The following PLXNB1 variants were observed in gnomAD, a reference collection of about 807,000 sequenced individuals.
The protein encoded by PLXNB1 is plexin-B1.
A neutral mutation model predicts 209.4 loss-of-function variants in PLXNB1; 106 were observed. The observed-to-expected ratio is 0.51, with a 90% CI of 0.43 to 0.59. PLXNB1 has a LOEUF of 0.59. Among genes scored for constraint, PLXNB1 ranks in the 20% least tolerant of loss-of-function variants. The pLI is 0.00. For missense variants in PLXNB1, 2,357 were observed against 2,853.2 expected (o/e 0.83, Z 3.96); for synonymous variants, 1,167 against 1,183.2 (o/e 0.99, Z 0.28).
At position 48,418,757 on chromosome 3, in the gene PLXNB1, G is replaced by C. The variant is rs939849187; in HGVS notation, c.2955+160C>G. The stretch of plus-strand genomic sequence containing the variant: ...CAGAGCTGGGATGCAAGGACTCCAC[G>C]GGGCACATGGTCAGAGGTCAGAAAT... On this transcript the variant is annotated intron_variant, in intron 13 of 37. Transcript: ENST00000296440. The surrounding 1 kb of genome is among the most constrained non-coding windows in gnomAD (Gnocchi z 6.6). 6.6e-6 allele frequency among the ~76,000 whole-genome samples: 1 copy of C among 152,122 alleles called. No individual in the cohort carries two copies. Among genetic ancestry groups the C allele is most frequent in the East Asian group, 1.9e-4 (1 of 5,168 alleles).
In PLXNB1 at chr3:48,409,902, C is replaced by T; in HGVS notation, c.5778+3G>A. ...CCCCACTACCTTGGCAGCCCCACCC[C>T]ACCTTCATGGACAGCAGGCGGGTCA... is the stretch of plus-strand genomic sequence containing the variant. On this transcript the variant is annotated splice_donor_region_variant and intron_variant, in intron 32 of 37. Coordinates refer to ENST00000296440, the MANE Select transcript of PLXNB1 (RefSeq NM_001130082.3). The surrounding 1 kb of genome is among the most constrained non-coding windows in gnomAD (Gnocchi z 5.8). The T allele has an allele frequency of 6.2e-7, 1 of 1,609,318 alleles. No individual in the cohort carries two copies. The highest frequency in any genetic ancestry group is 8.5e-7 in the Non-Finnish European group (1 of 1,178,000).
In PLXNB1 at chr3:48,424,182, C is replaced by A; in HGVS notation, c.430G>T (p.Ala144Ser). 1 of 1,585,884 alleles carries A rather than the reference C, an allele frequency of 6.3e-7. No homozygotes were observed. Among genetic ancestry groups the A allele is most frequent in the Non-Finnish European group, 8.6e-7 (1 of 1,165,124 alleles). The change falls in exon 3 of 38, where the codon GCT (alanine) becomes TCT (serine). Residue 144 changes from alanine (A) to serine (S), a missense_variant. Around this residue, in one of 7 missense-constraint regions of PLXNB1, gnomAD observed 404 missense variants for 443.6 expected, o/e 0.91. Transcript: ENST00000296440. ...PERPGDTQYVAANDPAVSTVG... is the reference protein window; with the variant it reads ...PERPGDTQYVSANDPAVSTVG... The stretch of plus-strand genomic sequence containing the variant: ...GTGCTGACCGCAGGATCATTGGCAG[C>A]CACATATTGTGTGTCCCCAGGCCGC...
In PLXNB1 at chr3:48,409,401, CATGTTATCAG is replaced by C; in HGVS notation, c.6005_6014del (p.Ser2002TrpfsTer63). The C allele has an allele frequency of 6.2e-7, 1 of 1,614,214 alleles. No individual in the cohort carries two copies. The highest frequency in any genetic ancestry group is 1.1e-5 in the South Asian group (1 of 91,090). On this transcript the variant is annotated frameshift_variant, in exon 34 of 38. Transcript: ENST00000296440. LOFTEE classifies it high-confidence loss of function. This position sits in a 1 kb window ranked among gnomAD's most constrained non-coding sequence, Gnocchi z 5.8. ...GTGCAATGACAAGGAGCACCGCATC[CATGTTATCAG>C]ATGTTTGCACGTCGAACACAAACTG...
chr3:48,418,972 A>C lies in PLXNB1; in HGVS notation c.2900T>G (p.Val967Gly). 6.2e-7 allele frequency: 1 copy of C among 1,613,876 alleles called. No individual in the cohort carries two copies. ...GGTATCTGGAGGTGGCTCACACTCGACCCGGGCCTCAACCACCACCTCGAG... is the reference window on the plus strand; with the variant it reads ...GGTATCTGGAGGTGGCTCACACTCGCCCCGGGCCTCAACCACCACCTCGAG... ...EGLEVVVEAR[V>G]ECEPPPDTQC... The change falls in exon 13 of 38, where the codon GTC becomes GGC. Residue 967 changes from valine to glycine, a missense_variant. Physicochemically the swap from Val to Gly is moderately radical, Grantham distance 109. This residue lies in a region of PLXNB1 where 410 missense variants were observed against 401.0 expected (regional missense o/e 1.02). Coordinates refer to ENST00000296440, the MANE Select transcript of PLXNB1 (RefSeq NM_001130082.3). The surrounding 1 kb of genome is among the most constrained non-coding windows in gnomAD (Gnocchi z 6.6).
rs112055425 is a variant in PLXNB1, at chr3:48,422,482, C to A, written c.1291-23G>T. ...GACCTGGGATCAGAGACCACAGGGTCTGGGACCCAAGTCCATGGCCAGAGG... is the reference window on the plus strand; with the variant it reads ...GACCTGGGATCAGAGACCACAGGGTATGGGACCCAAGTCCATGGCCAGAGG... On this transcript the variant is annotated intron_variant, in intron 4 of 37. Coordinates refer to ENST00000296440, the MANE Select transcript of PLXNB1 (RefSeq NM_001130082.3). The A allele has an allele frequency of 1.3e-4, 204 of 1,558,500 alleles. No individual in the cohort carries two copies. The African/African-American group carries it at 2.1e-3, about 16-fold the overall frequency.
At position 48,420,946 on chromosome 3, in the gene PLXNB1, G is replaced by T. The variant is rs773945966; in HGVS notation, c.1821C>A (p.Ser607=). The change falls in exon 9 of 38, where the codon TCC becomes TCA. Residue 607 remains serine (S), a synonymous_variant. Coordinates refer to ENST00000296440, the MANE Select transcript of PLXNB1 (RefSeq NM_001130082.3). ...CGCCAAATCTGAGCTCCACGCTCAC[G>T]GATACGTAGTCTGCAGAGGGGGAGA... The part of the protein sequence containing the change: ...PVLPRGADYV[S]VSVELRFGAV... The T allele has an allele frequency of 4.3e-6, 7 of 1,612,736 alleles. No individual in the cohort carries two copies. The South Asian group carries it at 6.6e-5, about 15-fold the overall frequency.
At position 48,405,535 on chromosome 3, in the gene PLXNB1, G is replaced by A. The variant is rs1490631533; in HGVS notation, c.6303+189C>T. Reference sequence around the variant, plus strand: ...GCTGGAATGGGGAGCAGTGGGACAGGTGAGAGCACAGCCAATGCCAGGAAG... The same window carrying A: ...GCTGGAATGGGGAGCAGTGGGACAGATGAGAGCACAGCCAATGCCAGGAAG... On this transcript the variant is annotated intron_variant, in intron 37 of 37. Transcript: ENST00000296440. The surrounding 1 kb of genome is among the most constrained non-coding windows in gnomAD (Gnocchi z 5.0). 6.6e-6 allele frequency among the ~76,000 whole-genome samples: 1 copy of A among 152,180 alleles called. No homozygotes were observed. The highest frequency in any genetic ancestry group is 2.4e-5 in the African/African-American group (1 of 41,426).
At position 48,429,553 on chromosome 3, in the gene PLXNB1, G is replaced by C. The variant is rs2039081731; in HGVS notation, c.-60+455C>G. 6.6e-6 allele frequency: 1 copy of C among 151,150 alleles called. No individual in the cohort carries two copies. 9.4% of individuals were successfully genotyped at this position (151,150 alleles called of 1,614,324 possible). A position where few individuals can be genotyped will look rare whatever the true frequency, so the allele number is the denominator to read the frequency against. ...CCGGAAGCAGCCCGGAGAGCCGGGC[G>C]CGCGGCCCCGAACCGCCCGGGACCC... On this transcript the variant is annotated intron_variant, in intron 1 of 37. Transcript: ENST00000296440. The surrounding 1 kb of genome is among the most constrained non-coding windows in gnomAD (Gnocchi z 6.4).
rs1461030446 is a variant in PLXNB1 at position 48,417,689 on chromosome 3, C to T, written c.3374+222G>A. 6.6e-6 allele frequency among the ~76,000 whole-genome samples: 1 copy of T among 152,196 alleles called. No individual in the cohort carries two copies. Among genetic ancestry groups the T allele is most frequent in the African/African-American group, 2.4e-5 (1 of 41,448 alleles). On this transcript the variant is annotated intron_variant, in intron 16 of 37. Coordinates refer to ENST00000296440, the MANE Select transcript of PLXNB1 (RefSeq NM_001130082.3). This position sits in a 1 kb window ranked among gnomAD's most constrained non-coding sequence, Gnocchi z 4.4. ...GCCACGAGTCAGTTCTGGGCAGTGA[C>T]GGGCCCAGGAAGGATTCCCCAGCAG...
Position 48,411,866 on chromosome 3 carries a change from G to C in PLXNB1, c.5244C>G (p.Pro1748=). The C allele has an allele frequency of 6.2e-7, 1 of 1,613,850 alleles. No homozygotes were observed. The highest frequency in any genetic ancestry group is 8.5e-7 in the Non-Finnish European group (1 of 1,179,946). The stretch of plus-strand genomic sequence containing the variant: ...CCACACACTTGCACACCCTCACCAG[G>C]GGACGGTACTCCACATCCTCTCTGA... ...RLLREDVEYR[P]LTLNALLAVG... Residue 1748 remains proline (P), a synonymous_variant, in exon 28 of 38, where the codon CCC becomes CCG. Transcript: ENST00000296440. This position sits in a 1 kb window ranked among gnomAD's most constrained non-coding sequence, Gnocchi z 4.0.
Position 48,409,832 on chromosome 3 carries a change from C to A in PLXNB1, c.5778+73G>T. 1 of 1,578,334 alleles carries A rather than the reference C, an allele frequency of 6.3e-7. No individual in the cohort carries two copies. The highest frequency in any genetic ancestry group is 1.1e-5 in the South Asian group (1 of 87,006). On this transcript the variant is annotated intron_variant, in intron 32 of 37. Coordinates refer to ENST00000296440, the MANE Select transcript of PLXNB1 (RefSeq NM_001130082.3). This position sits in a 1 kb window ranked among gnomAD's most constrained non-coding sequence, Gnocchi z 5.8. ...GCACTGTGCCTGCACGAGCCCCACA[C>A]CACCCCCAAATCCCACGAGTGGCCA...
At chr3:48,428,803 G>C (rs1207857528) in intron 1 of PLXNB1, among the ~76,000 whole-genome samples, 22 of 152,174 alleles carry the variant, frequency 1.4e-4, no homozygotes, top group Non-Finnish European at 8.8e-5. Context: ...TGTGTGTGGA[G>C]AGGAGGGTCC....
Position 48,413,407 on chromosome 3 carries a change from C to T in PLXNB1, c.4536-238G>A, listed in dbSNP as rs150134603. The T allele has an allele frequency of 5.0e-6, 3 of 602,750 alleles. No individual in the cohort carries two copies. The highest frequency in any genetic ancestry group is 6.0e-5 in the Admixed American group (2 of 33,340). 37.3% of individuals were successfully genotyped at this position (602,750 alleles called of 1,614,324 possible). On this transcript the variant is annotated intron_variant, in intron 23 of 37. Transcript: ENST00000296440. The surrounding 1 kb of genome is among the most constrained non-coding windows in gnomAD (Gnocchi z 5.4). The stretch of plus-strand genomic sequence containing the variant: ...AGAGATCAGCCAACCACAACCAGGC[C>T]AAATCCATCCCACAACCTATTTTTA...
chr3:48,415,675 A>G lies in PLXNB1; in HGVS notation c.3702T>C (p.Phe1234=). 6.4e-7 allele frequency: 1 copy of G among 1,562,194 alleles called. No individual in the cohort carries two copies. The highest frequency in any genetic ancestry group is 1.2e-5 in the South Asian group (1 of 84,852). The change falls in exon 19 of 38, where the codon TTT becomes TTC. Residue 1234 remains phenylalanine, a synonymous_variant. Coordinates refer to ENST00000296440, the MANE Select transcript of PLXNB1 (RefSeq NM_001130082.3). The surrounding 1 kb of genome is among the most constrained non-coding windows in gnomAD (Gnocchi z 5.0). ...TPATLPVAVW[F]GATERRLQRG... ...GTTGAAGCCTCCGCTCCGTGGCCCC[A>G]AACCACACAGCCACAGGGAGCGTGG...
Position 48,424,578 on chromosome 3 carries a change from G to A in PLXNB1, c.34C>T (p.Leu12Phe), listed in dbSNP as rs1039645154. 3.2e-6 allele frequency: 5 copies of A among 1,545,484 alleles called. No individual in the cohort carries two copies. The highest frequency in any genetic ancestry group is 1.2e-5 in the South Asian group (1 of 84,364). ...PALGPALLQA[L>F]WAGWVLTLQP... Reference sequence around the variant, plus strand: ...AGGGTGAGGACCCACCCGGCCCAGAGAGCCTGGAGAAGAGCTGGGCCCAGA... The same window carrying A: ...AGGGTGAGGACCCACCCGGCCCAGAAAGCCTGGAGAAGAGCTGGGCCCAGA... Residue 12 changes from leucine (L) to phenylalanine (F), a missense_variant, in exon 3 of 38, where the codon CTC becomes TTC. Physicochemically the swap from Leu to Phe is conservative, Grantham distance 22. Coordinates refer to ENST00000296440, the MANE Select transcript of PLXNB1 (RefSeq NM_001130082.3).
At chr3:48,414,518 A>G (rs116177602) in intron 21 of PLXNB1, among the ~76,000 whole-genome samples, 4,079 of 152,208 alleles carry the variant, frequency 0.027, 158 homozygotes, top group African/African-American at 0.089. Flanking sequence ...GGACCACACC[A>G]CCCAGCTACT....
intron 8 of PLXNB1, 111 bp downstream of exon 8, chr3:48,421,117 C>T: frequency 7.2e-7 from 1 of 1,390,748 alleles, no homozygotes; most frequent in African/African-American, 1.4e-5. Context: ...GTGGGAGGAC[C>T]CAGAGAAAGG....
chr3:48,410,423 C>A lies in PLXNB1; in HGVS notation c.5520+32G>T. ...TGATCCCTCCACCAGTCCCACCCCA[C>A]CATGCCCTCCTCCAGCTCCCACTCC... On this transcript the variant is annotated intron_variant, in intron 30 of 37. Transcript: ENST00000296440. This position sits in a 1 kb window ranked among gnomAD's most constrained non-coding sequence, Gnocchi z 6.4. 1 of 1,611,970 alleles carries A rather than the reference C, an allele frequency of 6.2e-7. No homozygotes were observed. The highest frequency in any genetic ancestry group is 8.5e-7 in the Non-Finnish European group (1 of 1,178,104).
chr3:48,421,500 CAA>C, intron 7 of PLXNB1, 116 bp from the exon 8 acceptor site: 3 of 1,273,200 alleles, frequency 2.4e-6, no homozygotes, highest in Non-Finnish European at 3.3e-6. Flanking sequence ...CAGGCCTCCC[CAA>C]ACACCCTCTG....
Sources: gnomAD v4.1 joint callset for allele counts (sites outside exome capture counted in the v4.1 genomes callset) on GRCh38, gnomAD v4.1.1 for gene constraint, gnomAD v4.1.1 regional missense constraint, Gnocchi (gnomAD v3.1) non-coding constraint, MANE v1.5 for transcripts, NCBI Gene and HGNC (gene_info 2026-07-23, HGNC 2026-07-21) for gene names.